Variants in FKBP11 observed in about 807,000 individuals in gnomAD.
FKBP11 encodes the protein peptidyl-prolyl cis-trans isomerase FKBP11.
In FKBP11, 21 loss-of-function variants were observed where a neutral mutation model predicts 24.7. That is an observed-to-expected ratio of 0.85 (90% CI 0.60 to 1.23). The LOEUF (loss-of-function observed/expected upper bound fraction) is 1.23, where lower values mean the gene tolerates loss of function less well. FKBP11 is among the 50% of genes most tolerant of loss of function. FKBP11 has a pLI of 0.00. For synonymous variants in FKBP11, 106 were observed against 100.6 expected, an observed-to-expected ratio of 1.05 and a Z score of -0.32; for missense variants, 245 against 248.7, an observed-to-expected ratio of 0.99 and a Z score of 0.10.
At chr12:48,936,147 C>T in the FKBP11 span, 1 of 152,496 alleles carries the variant, frequency 6.6e-6, no homozygotes, top group Admixed American at 6.5e-5. Flanking sequence ...CAGGACTCCC[C>T]TCACCATGAA....
At chr12:48,922,623 C>T (rs543322412) in intron 5 of FKBP11, 1 of 996,076 alleles carries the variant, frequency 1.0e-6, no homozygotes, top group South Asian at 4.4e-5. Flanking sequence ...CCAATGAGCA[C>T]ATTCAACGTG....
At chr12:48,923,939 C>T in intron 4 of FKBP11, 87 bp from the exon 5 acceptor site, 2 of 1,341,436 alleles carry the variant, frequency 1.5e-6, no homozygotes, top group Non-Finnish European at 2.1e-6. Context: ...AGCAAAACCC[C>T]CTGAATCTTC....
the FKBP11 span, among the ~76,000 whole-genome samples, chr12:48,932,999 T>A: frequency 2.0e-5 from 3 of 152,168 alleles, no homozygotes; most frequent in Admixed American, 6.5e-5. Flanking sequence ...CCGGAAGTGC[T>A]CCTCAACTAG....
the FKBP11 span, chr12:48,937,705 T>C: frequency 1.3e-5 from 2 of 151,878 alleles, no homozygotes; most frequent in African/African-American, 2.4e-5. Context: ...AAAACAAGAG[T>C]TGGAGAAGAG....
chr12:48,924,108 A>G, intron 4 of FKBP11, 115 bp downstream of exon 4: 1 of 1,255,328 alleles, frequency 8.0e-7, no homozygotes, highest in Non-Finnish European at 1.2e-6. Flanking sequence ...GGACCTGTCC[A>G]GTGGGAAGCA....
At chr12:48,922,805 T>TC in intron 5 of FKBP11, 1 of 1,005,442 alleles carries the variant, frequency 9.9e-7, no homozygotes, top group Non-Finnish European at 1.2e-6. Flanking sequence ...TTCTCCTTGG[T>TC]CCCCCTACCC....
rs1939853081 is a variant in FKBP11, at chr12:48,922,211, C to G, written c.389-10G>C. On this transcript the variant is annotated splice_polypyrimidine_tract_variant and intron_variant, in intron 5 of 5. Coordinates refer to ENST00000550765, the MANE Select transcript of FKBP11 (RefSeq NM_016594.3). ...TGCACCACTGCATCCGCTGGAGAGG[C>G]AGAGGGGTGGAGAGGGTTAGACTCT... The G allele has an allele frequency of 1.9e-6, 3 of 1,608,172 alleles. No homozygotes were observed. In the East Asian group the frequency reaches 6.7e-5, roughly 36 times the overall value.
chr12:48,933,983 A>G, the FKBP11 span, among the ~76,000 whole-genome samples: 5 of 152,194 alleles, frequency 3.3e-5, no homozygotes, highest in African/African-American at 1.2e-4. Flanking sequence ...GGTATACTAC[A>G]GATGTCCCAA....
the FKBP11 span, among the ~76,000 whole-genome samples, chr12:48,933,925 A>G: frequency 6.6e-6 from 1 of 151,992 alleles, no homozygotes; most frequent in Non-Finnish European, 1.5e-5. Flanking sequence ...TCCCTACACT[A>G]AGCAGCAGCA....
chr12:48,924,356 T>C, intron 3 of FKBP11, 100 bp from the exon 4 acceptor site: 1 of 1,454,246 alleles, frequency 6.9e-7, no homozygotes, highest in Non-Finnish European at 9.6e-7. Flanking sequence ...AATTGACCTT[T>C]CCCTCACTTC....
the FKBP11 span, among the ~76,000 whole-genome samples, chr12:48,935,347 G>A: frequency 6.6e-6 from 1 of 152,242 alleles, no homozygotes; most frequent in South Asian, 2.1e-4. Context: ...CTGGTACTTG[G>A]GGCTCTCAAA....
the FKBP11 span, chr12:48,938,922 G>T: frequency 1.2e-6 from 2 of 1,607,204 alleles, no homozygotes; most frequent in South Asian, 2.2e-5. Flanking sequence ...GGTGGGTGGG[G>T]TGCTTTGTTA....
At chr12:48,938,302 G>A in the FKBP11 span, 6 of 441,988 alleles carry the variant, frequency 1.4e-5, no homozygotes, top group Admixed American at 1.4e-4. Flanking sequence ...AAAGACTGGG[G>A]CAGTCCGGCT....
At position 48,924,653 on chromosome 12, in the gene FKBP11, G is replaced by A; in HGVS notation, c.196-5C>T. 6.2e-7 allele frequency: 1 copy of A among 1,613,296 alleles called. No individual in the cohort carries two copies. Among genetic ancestry groups the A allele is most frequent in the Non-Finnish European group, 8.5e-7 (1 of 1,179,404 alleles). ...ACGTCCATCTACCAAGCTTCCCTGG[G>A]GGGAGAGAGCATCAAGAGCATACAT... is the stretch of plus-strand genomic sequence containing the variant. On this transcript the variant is annotated splice_region_variant and splice_polypyrimidine_tract_variant and intron_variant, in intron 2 of 5. Coordinates refer to ENST00000550765, the MANE Select transcript of FKBP11 (RefSeq NM_016594.3).
chr12:48,936,327 C>T, the FKBP11 span: 1 of 152,590 alleles, frequency 6.6e-6, no homozygotes, highest in African/African-American at 2.4e-5. Context: ...AGAGGAGGAA[C>T]TGCAGTTACC....
At chr12:48,938,741 T>C in the FKBP11 span, 1 of 630,798 alleles carries the variant, frequency 1.6e-6, no homozygotes, top group South Asian at 2.0e-5. Flanking sequence ...GAATGACTCA[T>C]CATCAGGACA....
intron 2 of FKBP11, 105 bp from the exon 3 acceptor site, chr12:48,924,753 G>A: frequency 6.5e-7 from 1 of 1,542,668 alleles, no homozygotes; most frequent in South Asian, 1.2e-5. Flanking sequence ...CCTTAGTGCG[G>A]CAGCCTAGCG....
chr12:48,922,769 G>A, intron 5 of FKBP11: 20 of 1,001,346 alleles, frequency 2.0e-5, no homozygotes, highest in Non-Finnish European at 2.4e-5. Flanking sequence ...TGGGAATGGG[G>A]AGGTAATAGG....
the FKBP11 span, among the ~76,000 whole-genome samples, chr12:48,932,230 TATATA>T: frequency 3.8e-4 from 10 of 26,398 alleles, no homozygotes; most frequent in African/African-American, 1.6e-3. Context: ...CATATATTTA[TATATA>T]TATATATATA....
Sources: gnomAD v4.1 joint callset for allele counts (sites outside exome capture counted in the v4.1 genomes callset) on GRCh38, gnomAD v4.1.1 for gene constraint, MANE v1.5 for transcripts, NCBI Gene and HGNC (gene_info 2026-07-23, HGNC 2026-07-21) for gene names.